Variants in NTM observed in about 807,000 individuals in gnomAD.
NTM encodes the protein neurotrimin, also known as IgLON family member 2.
NTM carries 13 observed loss-of-function variants against 42.1 expected under a neutral mutation model. That is an observed-to-expected ratio of 0.31 (90% CI 0.20 to 0.49). The LOEUF (loss-of-function observed/expected upper bound fraction) is 0.49, where lower values mean the gene tolerates loss of function less well. Among genes scored for constraint, NTM ranks in the 20% least tolerant of loss-of-function variants. The pLI, the probability that NTM is intolerant of heterozygous loss-of-function variation, is 0.99. For missense variants in NTM, 373 were observed against 452.8 expected, an observed-to-expected ratio of 0.82 and a Z score of 1.60; for synonymous variants, 187 against 179.2, an observed-to-expected ratio of 1.04 and a Z score of -0.35.
chr11:131,878,589 AAAAAAATATATATATATATATATATATAT>A (rs1194788747), intron 1 of NTM, among the ~76,000 whole-genome samples: 20,237 of 63,654 alleles, frequency 0.32, 5,698 homozygotes, highest in East Asian at 0.43. Flanking sequence ...AAAAAAAAAA[AAAAAAATATATATATATATATATATATAT>A]ATATATATAT....
chr11:131,800,122 G>T lies in NTM; in HGVS notation c.83-111442G>T, dbSNP rs1351414332. Among the ~76,000 whole-genome samples the T allele has an allele frequency of 2.6e-5, 4 of 152,106 alleles. No individual in the cohort carries two copies. The East Asian group carries it at 5.8e-4, about 22-fold the overall frequency. ...AGCCAGCGGAATGGGTGATGCTGAA[G>T]GAATTGAAGCTCTCTCTAAAGTACA... On this transcript the variant is annotated intron_variant, in intron 1 of 8. Transcript: ENST00000683400.
intron 1 of NTM, among the ~76,000 whole-genome samples, chr11:131,872,602 T>C (rs1165631597): frequency 6.6e-6 from 1 of 152,192 alleles, no homozygotes; most frequent in African/African-American, 2.4e-5. Context: ...TCTGCATGTG[T>C]GCATGTATAG....
chr11:131,489,707 T>G (rs553253301), intron 1 of NTM, among the ~76,000 whole-genome samples: 94 of 152,344 alleles, frequency 6.2e-4, no homozygotes, highest in African/African-American at 2.1e-3. Flanking sequence ...GCCAATTCTT[T>G]GGCTCCTCTC....
intron 1 of NTM, among the ~76,000 whole-genome samples, chr11:131,752,365 C>T (rs539208112): frequency 1.3e-4 from 20 of 152,212 alleles, no homozygotes; most frequent in Admixed American, 8.5e-4. Context: ...GTTAGAATGA[C>T]GATCATTAAA....
intron 3 of NTM, among the ~76,000 whole-genome samples, chr11:132,171,418 C>G (rs2076100928): frequency 6.6e-6 from 1 of 152,186 alleles, no homozygotes; most frequent in Admixed American, 6.5e-5. Flanking sequence ...GGGCTCACTT[C>G]CTGGCTCATT....
chr11:131,552,062 T>C (rs79009197), intron 1 of NTM, among the ~76,000 whole-genome samples: 1,919 of 151,584 alleles, frequency 0.013, 47 homozygotes, highest in African/African-American at 0.044. Flanking sequence ...TCACCATCAC[T>C]AGGTAACACA....
At chr11:131,910,503 C>T (rs2054608131) in intron 1 of NTM, among the ~76,000 whole-genome samples, 1 of 151,542 alleles carries the variant, frequency 6.6e-6, no homozygotes. Context: ...GATGAGAGCG[C>T]AGTCCGCGCC....
chr11:131,691,209 C>T (rs987716882), intron 1 of NTM, among the ~76,000 whole-genome samples: 44 of 152,310 alleles, frequency 2.9e-4, no homozygotes, highest in African/African-American at 1.0e-3. Flanking sequence ...GCCCGTCCCC[C>T]CGCAGTGCCA....
At chr11:131,976,116 A>ACTCCTTCCTTCC (rs1555201516) in intron 2 of NTM, among the ~76,000 whole-genome samples, 1 of 123,770 alleles carries the variant, frequency 8.1e-6, no homozygotes. Context: ...TCCCTCCCTC[A>ACTCCTTCCTTCC]TTCCTTCCTT....
intron 2 of NTM, among the ~76,000 whole-genome samples, chr11:132,083,074 G>T (rs939373363): frequency 6.6e-6 from 1 of 152,160 alleles, no homozygotes; most frequent in Non-Finnish European, 1.5e-5. Flanking sequence ...CACCTGGCAG[G>T]ATTTGCAGGA....
intron 4 of NTM, among the ~76,000 whole-genome samples, chr11:132,304,460 A>G (rs1591864970): frequency 1.3e-5 from 2 of 151,648 alleles, no homozygotes; most frequent in East Asian, 3.9e-4. Flanking sequence ...CACACTAGTG[A>G]TAAAGCACTG....
intron 3 of NTM, among the ~76,000 whole-genome samples, chr11:132,164,494 T>C (rs910635264): frequency 1.2e-4 from 19 of 152,336 alleles, no homozygotes; most frequent in African/African-American, 4.6e-4. Flanking sequence ...AATACATTTC[T>C]TTATTTGACT....
At chr11:131,472,877 A>C (rs1018610950) in intron 1 of NTM, among the ~76,000 whole-genome samples, 1 of 152,094 alleles carries the variant, frequency 6.6e-6, no homozygotes, top group African/African-American at 2.4e-5. Flanking sequence ...ACTACCCCCC[A>C]GAGATTGAGT....
chr11:131,887,539 A>T (rs1391718167), intron 1 of NTM, among the ~76,000 whole-genome samples: 2 of 152,186 alleles, frequency 1.3e-5, no homozygotes, highest in Non-Finnish European at 2.9e-5. Flanking sequence ...GCTACAAATT[A>T]TCTGATTCCG....
intron 1 of NTM, among the ~76,000 whole-genome samples, chr11:131,584,418 C>T (rs1235482638): frequency 3.9e-5 from 6 of 152,116 alleles, no homozygotes; most frequent in East Asian, 3.9e-4. Flanking sequence ...GAGGCAGGGG[C>T]GGAGGCCATG....
At chr11:131,959,417 T>C (rs979492376) in intron 2 of NTM, among the ~76,000 whole-genome samples, 2 of 151,972 alleles carry the variant, frequency 1.3e-5, no homozygotes, top group African/African-American at 4.8e-5. Context: ...CACTTGAGCC[T>C]AGGGGCTTGA....
intron 1 of NTM, among the ~76,000 whole-genome samples, chr11:131,572,619 C>T (rs755598060): frequency 2.6e-5 from 4 of 152,132 alleles, no homozygotes; most frequent in Non-Finnish European, 5.9e-5. Flanking sequence ...TTTGCAGAGA[C>T]GGCTCCCTGA....
intron 1 of NTM, among the ~76,000 whole-genome samples, chr11:131,581,457 A>G (rs1199150690): frequency 1.3e-5 from 2 of 152,170 alleles, no homozygotes; most frequent in African/African-American, 4.8e-5. Context: ...TGATTTTAGG[A>G]TCGGTAAAAT....
chr11:131,399,332 G>C (rs1219925493), intron 1 of NTM, among the ~76,000 whole-genome samples: 1 of 152,144 alleles, frequency 6.6e-6, no homozygotes. Context: ...TTGAGAGCTG[G>C]AATAGTCCTG....
Sources: allele counts gnomAD v4.1 joint callset (sites outside exome capture counted in the v4.1 genomes callset), GRCh38; gene constraint gnomAD v4.1.1; transcripts MANE v1.5; gene names NCBI Gene and HGNC (gene_info 2026-07-23, HGNC 2026-07-21).